UNC13C: variants seen among roughly 807,000 people sequenced by gnomAD.
UNC13C encodes the protein unc-13 homolog C.
A neutral mutation model predicts 245.4 loss-of-function variants in UNC13C; 174 were observed. The ratio of observed to expected loss-of-function variants is 0.71; its 90% CI spans 0.63 to 0.80. UNC13C has a LOEUF of 0.80. Among genes scored for constraint, UNC13C ranks in the 30% least tolerant of loss-of-function variants. The pLI is 0.00. For synonymous variants in UNC13C, 992 were observed against 895.1 expected (o/e 1.11, Z -1.93); for missense variants, 2,829 against 2,602.9 (o/e 1.09, Z -1.89).
In UNC13C at chr15:54,457,711, A is replaced by T. The variant is rs188117472; in HGVS notation, c.4934-36897A>T. Among the ~76,000 whole-genome samples the T allele has an allele frequency of 5.4e-3, 827 of 152,126 alleles. 8 individuals carry two copies. Among genetic ancestry groups the T allele is most frequent in the African/African-American group, 0.019 (795 of 41,546 alleles). ...TGATCTTTTGTATTTCTGTGGTATCAGTAGAAATATCTCCCATTTTGTTTC... is the reference window on the plus strand; with the variant it reads ...TGATCTTTTGTATTTCTGTGGTATCTGTAGAAATATCTCCCATTTTGTTTC... On this transcript the variant is annotated intron_variant, in intron 19 of 32. Coordinates refer to ENST00000260323, the MANE Select transcript of UNC13C (RefSeq NM_001080534.3).
intron 2 of UNC13C, among the ~76,000 whole-genome samples, chr15:54,032,465 C>G (rs12439980): frequency 0.069 from 10,512 of 152,134 alleles, 517 homozygotes; most frequent in East Asian, 0.17. Flanking sequence ...ATTCAGGTAA[C>G]TAGTAGGGAG....
chr15:54,002,330 T>A (rs1894933215), intron 1 of UNC13C, among the ~76,000 whole-genome samples: 1 of 151,506 alleles, frequency 6.6e-6, no homozygotes, highest in Non-Finnish European at 1.5e-5. Context: ...ATCCTAACTG[T>A]ATGTTTGAGT....
At chr15:54,075,955 G>C (rs933198921) in intron 2 of UNC13C, among the ~76,000 whole-genome samples, 2 of 151,690 alleles carry the variant, frequency 1.3e-5, no homozygotes, top group Non-Finnish European at 2.9e-5. Context: ...TACAGATGAG[G>C]TTACTTAGTA....
At chr15:54,120,878 G>C (rs1438935909) in intron 2 of UNC13C, among the ~76,000 whole-genome samples, 2 of 152,118 alleles carry the variant, frequency 1.3e-5, no homozygotes, top group African/African-American at 2.4e-5. Flanking sequence ...GCCTGAAAGT[G>C]GGAGTGAATT....
chr15:54,566,669 C>T (rs989258922), intron 29 of UNC13C, among the ~76,000 whole-genome samples: 4 of 151,966 alleles, frequency 2.6e-5, no homozygotes, highest in East Asian at 1.9e-4. Context: ...AGTATACTCT[C>T]GGAAAGTACA....
At chr15:54,553,924 TC>T (rs1365920776) in intron 28 of UNC13C, among the ~76,000 whole-genome samples, 1 of 151,996 alleles carries the variant, frequency 6.6e-6, no homozygotes, top group Non-Finnish European at 1.5e-5. Flanking sequence ...AGCAAACATT[TC>T]TATTACTCTT....
intron 2 of UNC13C, among the ~76,000 whole-genome samples, chr15:54,053,449 C>G (rs897830494): frequency 2.0e-5 from 3 of 152,126 alleles, no homozygotes; most frequent in Non-Finnish European, 4.4e-5. Context: ...ATTTATAAAG[C>G]TTTCTGTGAC....
chr15:53,869,620 G>A, the UNC13C span, among the ~76,000 whole-genome samples: 6 of 152,126 alleles, frequency 3.9e-5, no homozygotes, highest in Non-Finnish European at 8.8e-5. Context: ...CTGACCCAAC[G>A]ACAGATGAAT....
At chr15:53,873,598 T>C in the UNC13C span, among the ~76,000 whole-genome samples, 2 of 152,172 alleles carry the variant, frequency 1.3e-5, no homozygotes, top group Non-Finnish European at 2.9e-5. Context: ...TATATAAATA[T>C]ACTTCCAATT....
At chr15:54,491,771 G>A (rs778154830) in intron 19 of UNC13C, among the ~76,000 whole-genome samples, 4 of 152,102 alleles carry the variant, frequency 2.6e-5, no homozygotes, top group Non-Finnish European at 5.9e-5. Flanking sequence ...GGGAGGCCGA[G>A]GCGGGGGGAT....
intron 29 of UNC13C, 89 bp from the exon 30 acceptor site, chr15:54,567,711 A>T: frequency 8.2e-7 from 1 of 1,219,674 alleles, no homozygotes; most frequent in Non-Finnish European, 1.1e-6. Flanking sequence ...AAATTGTATT[A>T]TTCCATTTGA....
chr15:54,228,230 T>C (rs2035450166), intron 4 of UNC13C, among the ~76,000 whole-genome samples: 2 of 152,070 alleles, frequency 1.3e-5, no homozygotes, highest in African/African-American at 4.8e-5. Context: ...CTGCCAAGCC[T>C]GGAGTTCTTT....
At chr15:54,520,920 T>C (rs1318134249) in intron 24 of UNC13C, among the ~76,000 whole-genome samples, 1 of 152,196 alleles carries the variant, frequency 6.6e-6, no homozygotes, top group Admixed American at 6.5e-5. Context: ...ATTGGCTAGA[T>C]GTCAATGAGA....
At chr15:54,016,076 C>T (rs965569501) in intron 2 of UNC13C, among the ~76,000 whole-genome samples, 190 bp downstream of exon 2, 2 of 152,132 alleles carry the variant, frequency 1.3e-5, no homozygotes, top group Non-Finnish European at 2.9e-5. Context: ...GATTTAAAAT[C>T]AAAGAATATG....
At chr15:53,887,503 A>G in the UNC13C span, among the ~76,000 whole-genome samples, 7 of 152,092 alleles carry the variant, frequency 4.6e-5, no homozygotes, top group Non-Finnish European at 1.0e-4. Context: ...TTGCTTTTTA[A>G]TAAGTTGAAG....
At chr15:54,391,232 A>C (rs2039950063) in intron 17 of UNC13C, among the ~76,000 whole-genome samples, 2 of 152,086 alleles carry the variant, frequency 1.3e-5, no homozygotes, top group Non-Finnish European at 2.9e-5. Context: ...TGTACATATG[A>C]CGATAATTAA....
intron 4 of UNC13C, among the ~76,000 whole-genome samples, chr15:54,221,918 T>A (rs984644750): frequency 1.3e-5 from 2 of 152,022 alleles, no homozygotes; most frequent in African/African-American, 2.4e-5. Flanking sequence ...TTTGAAAAAT[T>A]TGCTTGATAG....
intron 10 of UNC13C, among the ~76,000 whole-genome samples, chr15:54,279,003 T>C (rs2036907638): frequency 6.6e-6 from 1 of 152,170 alleles, no homozygotes; most frequent in Non-Finnish European, 1.5e-5. Context: ...TTCAAACAGG[T>C]GTCTGGTAAA....
chr15:54,304,779 T>C (rs750349885), intron 13 of UNC13C, among the ~76,000 whole-genome samples: 3 of 152,056 alleles, frequency 2.0e-5, no homozygotes, highest in Non-Finnish European at 4.4e-5. Flanking sequence ...TCCATTACTT[T>C]GCCAGAAGAA....
Sources: allele counts gnomAD v4.1 joint callset (sites outside exome capture counted in the v4.1 genomes callset), GRCh38; gene constraint gnomAD v4.1.1; transcripts MANE v1.5; gene names NCBI Gene and HGNC (gene_info 2026-07-23, HGNC 2026-07-21).